The following ZSCAN5C variants were observed in gnomAD, a reference collection of about 807,000 sequenced individuals.
ZSCAN5C encodes zinc finger and SCAN domain-containing protein 5C.
In ZSCAN5C, 11 loss-of-function variants were observed where a neutral mutation model predicts 17.3. The ratio of observed to expected loss-of-function variants is 0.64; its 90% CI spans 0.40 to 1.06. ZSCAN5C has a LOEUF of 1.06. Ranked by LOEUF, ZSCAN5C falls within the 50% of genes least tolerant of loss-of-function variation. ZSCAN5C has a pLI of 0.00. For synonymous variants in ZSCAN5C, 229 were observed against 208.4 expected (o/e 1.10, Z -0.85); for missense variants, 698 against 538.9 (o/e 1.30, Z -2.92).
chr19:56,205,858 A>G, exon 2 of ZSCAN5C: 1 of 772,916 alleles, frequency 1.3e-6, no homozygotes, highest in Middle Eastern at 2.3e-4. Context: ...TCGCAATTAG[A>G]CACCGGCTTC....
intron 3 of ZSCAN5C, among the ~76,000 whole-genome samples, chr19:56,207,526 A>T (rs12691095): frequency 5.3e-5 from 8 of 151,070 alleles, no homozygotes; most frequent in African/African-American, 2.0e-4. Context: ...CAGTTGGCAC[A>T]GATGAATGAA....
chr19:56,208,068 T>C lies in ZSCAN5C; in HGVS notation c.623T>C (p.Met208Thr), dbSNP rs143561566. The change falls in exon 4 of 5, where the codon ATG becomes ACG. Residue 208 changes from methionine (M) to threonine (T), a missense_variant. By Grantham distance (81) the Met-to-Thr change is moderately conservative. This residue lies in a region of ZSCAN5C where 554 missense variants were observed against 390.5 expected (regional missense o/e 1.42). Coordinates refer to ENST00000534327, the Ensembl canonical transcript of ZSCAN5C. Reference sequence around the variant, plus strand: ...TTCCTGCTGCCAGAGACTACTGTCATGAAAGGTGACCCAAAGGCTCTGAGA... The same window carrying C: ...TTCCTGCTGCCAGAGACTACTGTCACGAAAGGTGACCCAAAGGCTCTGAGA... The C allele has an allele frequency of 2.0e-3, 1,507 of 757,948 alleles. 58 individuals are homozygous for C. The African/African-American group carries it at 0.023, about 11-fold the overall frequency. The allele number at this position is 757,948 out of a possible 1,614,324, so 47.0% of individuals were successfully genotyped here.
Position 56,204,526 on chromosome 19 carries a change from C to T in ZSCAN5C, c.-127-1261C>T, listed in dbSNP as rs538410889. On this transcript the variant is annotated intron_variant, in intron 1 of 4. Transcript: ENST00000534327. The stretch of plus-strand genomic sequence containing the variant: ...CATGTCTTCATCTGAGATGTCCACA[C>T]GGGCGCCTTAAGCCCCTCTAGTGGG... 1.7e-3 allele frequency among the ~76,000 whole-genome samples: 253 copies of T among 151,796 alleles called. 11 individuals carry two copies. The highest frequency in any genetic ancestry group is 5.9e-3 in the African/African-American group (243 of 41,052).
chr19:56,209,377 G>A (rs1252596427), downstream of ZSCAN5C: 4 of 509,836 alleles, frequency 7.8e-6, no homozygotes. Context: ...TTTGGTTTTT[G>A]TTTCATTATT....
chr19:56,205,628 A>T (rs2032911740), intron 1 of ZSCAN5C, among the ~76,000 whole-genome samples, 159 bp from the exon 2 acceptor site: 1 of 151,904 alleles, frequency 6.6e-6, no homozygotes, highest in Non-Finnish European at 1.5e-5. Context: ...ACATGTGGTC[A>T]GGTGTAGACA....
chr19:56,207,170 A>G (rs777945896), exon 3 of ZSCAN5C: 37 of 778,632 alleles, frequency 4.8e-5, no homozygotes, highest in South Asian at 1.4e-4. Context: ...CAGCCAGCGG[A>G]CCTCCTCTGT....
exon 2 of ZSCAN5C, chr19:56,205,969 G>C (rs1163883459): frequency 1.3e-6 from 2 of 1,510,432 alleles, no homozygotes; most frequent in Middle Eastern, 1.7e-4. Flanking sequence ...AACAGCCCTG[G>C]GTCAGAGCCA....
At chr19:56,209,008 C>A (rs951778024) in exon 5 of ZSCAN5C, 2 of 1,612,910 alleles carry the variant, frequency 1.2e-6, no homozygotes, top group South Asian at 2.2e-5. Flanking sequence ...ACAAGAGAAG[C>A]CACACAGGGG....
At chr19:56,208,685 G>A (rs2032953186) in exon 5 of ZSCAN5C, 2 of 1,612,684 alleles carry the variant, frequency 1.2e-6, no homozygotes, top group Non-Finnish European at 1.7e-6. Context: ...AGAATCCCCG[G>A]GACAAGCTGA....
intron 1 of ZSCAN5C, among the ~76,000 whole-genome samples, chr19:56,202,649 A>G (rs1028343945): frequency 6.6e-6 from 1 of 151,842 alleles, no homozygotes. Context: ...GAATTCCCGG[A>G]CTCAAACGAT....
chr19:56,208,267 G>A lies in ZSCAN5C; in HGVS notation c.739+83G>A, dbSNP rs959860582. ...CTGGGGTCCCAGCATTATCATGTCT[G>A]GGGGAGTTGGCACTCAGCTGCCAAA... On this transcript the variant is annotated intron_variant, in intron 4 of 4. Coordinates refer to ENST00000534327, the Ensembl canonical transcript of ZSCAN5C. 41 of 666,960 alleles carry A rather than the reference G, an allele frequency of 6.1e-5. No individual in the cohort carries two copies. In the Middle Eastern group the frequency reaches 7.4e-4, roughly 12 times the overall value. 41.3% of individuals were successfully genotyped at this position (666,960 alleles called of 1,614,324 possible).
chr19:56,203,019 G>A (rs930823812), intron 1 of ZSCAN5C, among the ~76,000 whole-genome samples: 21 of 151,950 alleles, frequency 1.4e-4, no homozygotes, highest in African/African-American at 4.4e-4. Flanking sequence ...ACTAACCCGC[G>A]TACCTGCCTT....
intron 3 of ZSCAN5C, 86 bp from the exon 4 acceptor site, chr19:56,207,948 G>T (rs542336291): frequency 1.4e-4 from 92 of 642,952 alleles, no homozygotes; most frequent in Non-Finnish European, 2.4e-4. Flanking sequence ...CATTAGAAGA[G>T]TTGGTGCATC....
exon 5 of ZSCAN5C, chr19:56,209,088 G>C (rs994017540): frequency 6.3e-7 from 1 of 1,594,826 alleles, no homozygotes; most frequent in South Asian, 1.1e-5. Flanking sequence ...GAGCACCAGC[G>C]CATCCACTCT....
chr19:56,207,221 C>T (rs1174905451), exon 3 of ZSCAN5C: 1 of 778,802 alleles, frequency 1.3e-6, no homozygotes. Context: ...CAGCCAAGAG[C>T]TGCAGACCCT....
chr19:56,204,783 T>C (rs911170671), intron 1 of ZSCAN5C, among the ~76,000 whole-genome samples: 1 of 151,858 alleles, frequency 6.6e-6, no homozygotes, highest in Non-Finnish European at 1.5e-5. Flanking sequence ...CAGTTTTTTC[T>C]CCCCTCTGCA....
In ZSCAN5C at chr19:56,205,893, T is replaced by A; in HGVS notation, c.-21T>A. On this transcript the variant is annotated 5_prime_UTR_variant, in exon 2 of 5. It adds an upstream start codon to the 5' untranslated region. Transcript: ENST00000534327. Reference sequence around the variant, plus strand: ...CTGGAAGAGCTTTCCCAGAGACAGATTGAAATATTCCCCAGTAGACATGGC... The same window carrying A: ...CTGGAAGAGCTTTCCCAGAGACAGAATGAAATATTCCCCAGTAGACATGGC... The A allele has an allele frequency of 3.0e-6, 3 of 988,132 alleles. No individual in the cohort carries two copies. Among genetic ancestry groups the A allele is most frequent in the Non-Finnish European group, 4.8e-6 (3 of 623,774 alleles). The allele number at this position is 988,132 out of a possible 1,614,324, so 61.2% of individuals were successfully genotyped here. A position where few individuals can be genotyped will look rare whatever the true frequency, so the allele number is the denominator to read the frequency against.
chr19:56,204,650 C>T (rs1161704165), intron 1 of ZSCAN5C, among the ~76,000 whole-genome samples: 1 of 151,872 alleles, frequency 6.6e-6, no homozygotes, highest in Non-Finnish European at 1.5e-5. Flanking sequence ...TCTGGGTTGT[C>T]TCCCGCCTCT....
At chr19:56,208,099 G>A (rs1276967059) in exon 4 of ZSCAN5C, 3 of 773,168 alleles carry the variant, frequency 3.9e-6, no homozygotes, top group Non-Finnish European at 4.8e-6. Context: ...TGAGACCCAA[G>A]CCGACCTTGG....
Sources: allele counts gnomAD v4.1 joint callset (sites outside exome capture counted in the v4.1 genomes callset), GRCh38; gene constraint gnomAD v4.1.1; regional missense constraint gnomAD v4.1.1; transcripts MANE v1.5; gene names NCBI Gene and HGNC (gene_info 2026-07-23, HGNC 2026-07-21).